LPCAT4: variants seen among roughly 807,000 people sequenced by gnomAD.
LPCAT4 encodes the protein lysophospholipid acyltransferase LPCAT4.
LPCAT4 carries 30 observed loss-of-function variants against 66.5 expected under a neutral mutation model. The ratio of observed to expected loss-of-function variants is 0.45; its 90% CI spans 0.34 to 0.61. The LOEUF (loss-of-function observed/expected upper bound fraction) is 0.61. Among genes scored for constraint, LPCAT4 ranks in the 20% least tolerant of loss-of-function variants. The pLI, the probability that LPCAT4 is intolerant of heterozygous loss-of-function variation, is 0.01. For missense variants in LPCAT4, 557 were observed against 656.7 expected (o/e 0.85, Z 1.66); for synonymous variants, 253 against 262.1 (o/e 0.97, Z 0.34).
Position 34,367,047 on chromosome 15 carries a change from G to C in LPCAT4, c.54C>G (p.Pro18=). 6.4e-7 allele frequency: 1 copy of C among 1,561,354 alleles called. No individual in the cohort carries two copies. Among genetic ancestry groups the C allele is most frequent in the Non-Finnish European group, 8.7e-7 (1 of 1,152,538 alleles). Residue 18 remains proline (P), a synonymous_variant, in exon 1 of 14, where the codon CCC becomes CCG. Transcript: ENST00000314891. ...DWAPLDPTPG[P]PASPNPFVHE... Reference sequence around the variant, plus strand: ...GCACGAAGGGGTTGGGGGATGCTGGGGGTCCGGGGGTGGGATCTAGGGGGG... The same window carrying C: ...GCACGAAGGGGTTGGGGGATGCTGGCGGTCCGGGGGTGGGATCTAGGGGGG...
chr15:34,361,122 C>T (rs569115603), intron 11 of LPCAT4: 1 of 1,151,750 alleles, frequency 8.7e-7, no homozygotes, highest in Non-Finnish European at 1.1e-6. Flanking sequence ...TATGATTCCC[C>T]ACCTTCGCCA....
Position 34,362,614 on chromosome 15 carries a change from G to T in LPCAT4, c.843C>A (p.Asp281Glu). 1 of 1,574,136 alleles carries T rather than the reference G, an allele frequency of 6.4e-7. No homozygotes were observed. Among genetic ancestry groups the T allele is most frequent in the Middle Eastern group, 1.7e-4 (1 of 5,824 alleles). ...GAACATTGTTGGCATAGAGGGTGGG[G>T]TCCCTGCTCTCCTCAGGGCTGGGGT... ...VYHPSPEESR[D>E]PTLYANNVQR... The change falls in exon 9 of 14, where the codon GAC becomes GAA. Residue 281 changes from aspartate (D) to glutamate (E), a missense_variant. By Grantham distance (45) the Asp-to-Glu change is conservative. Around this residue, in one of 4 missense-constraint regions of LPCAT4, gnomAD observed 392 missense variants for 473.9 expected, o/e 0.83. Transcript: ENST00000314891.
rs200946309 is a variant in LPCAT4 at position 34,360,209 on chromosome 15, C to A, written c.1144G>T (p.Asp382Tyr). 6.2e-7 allele frequency: 1 copy of A among 1,613,900 alleles called. No homozygotes were observed. Among genetic ancestry groups the A allele is most frequent in the Non-Finnish European group, 8.5e-7 (1 of 1,179,850 alleles). ...CGGAAGTCCACCAAACCCTTGGTAT[C>A]CTGGTGTGAAAAAGAAACCAGGGCA... ...VAGAFGYFQQ[D>Y]TKGLVDFRDV... is the part of the protein sequence containing the mutation. Residue 382 changes from aspartate (D) to tyrosine (Y), a missense_variant and splice_region_variant, in exon 12 of 14, where the codon GAT (aspartate) becomes TAT (tyrosine). This residue lies in a region of LPCAT4 where 392 missense variants were observed against 473.9 expected (regional missense o/e 0.83). Coordinates refer to ENST00000314891, the MANE Select transcript of LPCAT4 (RefSeq NM_153613.3).
chr15:34,359,929 T>C, intron 12 of LPCAT4, 182 bp downstream of exon 12: 1 of 812,128 alleles, frequency 1.2e-6, no homozygotes, highest in East Asian at 2.6e-5. Flanking sequence ...TTCCTTCTTC[T>C]TGTGCCCAGC....
At chr15:34,364,422 T>TCG in intron 3 of LPCAT4, 116 bp from the exon 4 acceptor site, 1 of 615,876 alleles carries the variant, frequency 1.6e-6, no homozygotes, top group Non-Finnish European at 2.8e-6. Context: ...TTTTTTTTTT[T>TCG]TTTCTGTTGT....
intron 1 of LPCAT4, among the ~76,000 whole-genome samples, chr15:34,366,661 C>A (rs1891085580): frequency 6.8e-6 from 1 of 147,624 alleles, no homozygotes; most frequent in East Asian, 2.1e-4. Flanking sequence ...CTAACTCCAT[C>A]CTAGCCATCA....
intron 10 of LPCAT4, among the ~76,000 whole-genome samples, chr15:34,361,793 A>G (rs566761688): frequency 1.4e-4 from 22 of 152,044 alleles, no homozygotes; most frequent in African/African-American, 4.3e-4. Flanking sequence ...TCCACCTCCC[A>G]GGTTCAAGCA....
Position 34,367,110 on chromosome 15 carries a change from A to G in LPCAT4, c.-10T>C, listed in dbSNP as rs1460064229. 3 of 1,535,920 alleles carry G rather than the reference A, an allele frequency of 2.0e-6. No homozygotes were observed. The highest frequency in any genetic ancestry group is 2.6e-6 in the Non-Finnish European group (3 of 1,139,922). On this transcript the variant is annotated 5_prime_UTR_variant, in exon 1 of 14. Transcript: ENST00000314891. ...GACTTCCCTGGCTCATGGCGGGAGA[A>G]GGTGGGAGGGAGGGCACCCCGGCCC...
In LPCAT4 at chr15:34,367,073, C is replaced by A. The variant is rs757794901; in HGVS notation, c.28G>T (p.Ala10Ser). 1.3e-6 allele frequency: 2 copies of A among 1,552,984 alleles called. No individual in the cohort carries two copies. Among genetic ancestry groups the A allele is most frequent in the Admixed American group, 2.0e-5 (1 of 51,168 alleles). The change falls in exon 1 of 14, where the codon GCC (alanine) becomes TCC (serine). Residue 10 changes from alanine to serine, a missense_variant. By Grantham distance (99) the Ala-to-Ser change is moderately conservative. Coordinates refer to ENST00000314891, the MANE Select transcript of LPCAT4 (RefSeq NM_153613.3). ...GGTCCGGGGGTGGGATCTAGGGGGG[C>A]CCAGTCCCCCGGACTTCCCTGGCTC... is the stretch of plus-strand genomic sequence containing the variant. MSQGSPGDW[A>S]PLDPTPGPPA...
chr15:34,360,918 C>T (rs1442299665), intron 11 of LPCAT4: 1 of 154,014 alleles, frequency 6.5e-6, no homozygotes, highest in African/African-American at 2.4e-5. Flanking sequence ...ACATGGCTTG[C>T]TAAGAATCTT....
In LPCAT4 at chr15:34,363,613, G is replaced by A; in HGVS notation, c.711+48C>T. 1 of 1,607,456 alleles carries A rather than the reference G, an allele frequency of 6.2e-7. No homozygotes were observed. The highest frequency in any genetic ancestry group is 1.1e-5 in the South Asian group (1 of 90,922). On this transcript the variant is annotated intron_variant, in intron 6 of 13. Transcript: ENST00000314891. This position sits in a 1 kb window ranked among gnomAD's most constrained non-coding sequence, Gnocchi z 4.3. ...ACAGTTTTCACTTATTTCCATTTGG[G>A]GTGGATTTGTGCTCCCCCTTTCCAC...
At position 34,365,134 on chromosome 15, in the gene LPCAT4, G is replaced by A. The variant is rs751209708; in HGVS notation, c.352C>T (p.Arg118Cys). Residue 118 changes from arginine (R) to cysteine (C), a missense_variant, in exon 3 of 14, where the codon CGC (arginine) becomes TGC (cysteine). Coordinates refer to ENST00000314891, the MANE Select transcript of LPCAT4 (RefSeq NM_153613.3). ...RIRVRGQRAS[R>C]LQAPVLVAAP... The stretch of plus-strand genomic sequence containing the variant: ...GCAACAAGGACAGGGGCTTGAAGGC[G>A]AGAGGCTCGCTGGCCACGAACGCGA... 3.7e-6 allele frequency: 6 copies of A among 1,614,230 alleles called. No homozygotes were observed. The highest frequency in any genetic ancestry group is 4.5e-5 in the East Asian group (2 of 44,880).
intron 11 of LPCAT4, among the ~76,000 whole-genome samples, chr15:34,360,515 C>A (rs1890917611): frequency 2.0e-5 from 3 of 152,256 alleles, no homozygotes; most frequent in Admixed American, 2.0e-4. Flanking sequence ...GGAGGGCAGT[C>A]CTGGTCCCCA....
rs749026947 is a variant in LPCAT4, at chr15:34,359,087, A to G, written c.*40T>C. Reference sequence around the variant, plus strand: ...GGGCTGAGGCATAGGGGAGGCCCCTAGCGCTGCCCTGAGGAGGAGGGGGTG... The same window carrying G: ...GGGCTGAGGCATAGGGGAGGCCCCTGGCGCTGCCCTGAGGAGGAGGGGGTG... On this transcript the variant is annotated 3_prime_UTR_variant, in exon 14 of 14. Transcript: ENST00000314891. The G allele has an allele frequency of 6.4e-7, 1 of 1,558,292 alleles. No homozygotes were observed. Among genetic ancestry groups the G allele is most frequent in the South Asian group, 1.2e-5 (1 of 85,768 alleles).
rs751607566 is a variant in LPCAT4, at chr15:34,366,971, G to A, written c.114+16C>T. 22 of 1,540,458 alleles carry A rather than the reference G, an allele frequency of 1.4e-5. No homozygotes were observed. Among genetic ancestry groups the A allele is most frequent in the Non-Finnish European group, 1.8e-5 (21 of 1,138,876 alleles). On this transcript the variant is annotated intron_variant, in intron 1 of 13. Transcript: ENST00000314891. ...ATCCTCACGGGTCCTTCCGACGCCC[G>A]CTCCCCACACATTACCTTAACCCTC...
intron 11 of LPCAT4, chr15:34,361,194 C>T (rs2140166073): frequency 7.0e-7 from 1 of 1,435,788 alleles, no homozygotes; most frequent in Admixed American, 2.7e-5. Context: ...TGTTCCTCCT[C>T]ATGATGATAA....
intron 11 of LPCAT4, 136 bp from the exon 12 acceptor site, chr15:34,360,345 C>G (rs1890913883): frequency 1.5e-6 from 1 of 666,740 alleles, no homozygotes; most frequent in Non-Finnish European, 2.6e-6. Flanking sequence ...CTGTGAGCTC[C>G]AAACTCTTTA....
At chr15:34,361,221 A>C in intron 11 of LPCAT4, 179 bp downstream of exon 11, 3 of 1,484,188 alleles carry the variant, frequency 2.0e-6, no homozygotes, top group Middle Eastern at 2.5e-4. Flanking sequence ...TCTTCAATGC[A>C]CTGGATGCCT....
At chr15:34,364,847 C>A in intron 3 of LPCAT4, 161 bp downstream of exon 3, 1 of 633,478 alleles carries the variant, frequency 1.6e-6, no homozygotes. Flanking sequence ...TGTCCCAGCC[C>A]TCAGAATCTA....
Sources: gnomAD v4.1 joint callset for allele counts (sites outside exome capture counted in the v4.1 genomes callset) on GRCh38, gnomAD v4.1.1 for gene constraint, gnomAD v4.1.1 regional missense constraint, Gnocchi (gnomAD v3.1) non-coding constraint, MANE v1.5 for transcripts, NCBI Gene and HGNC (gene_info 2026-07-23, HGNC 2026-07-21) for gene names.